Variants in WDFY4 observed in about 807,000 individuals in gnomAD.
WDFY4 encodes the protein WD repeat- and FYVE domain-containing protein 4.
Under a neutral mutation model 351.9 loss-of-function variants are expected in WDFY4, and 169 were observed. The observed-to-expected ratio is 0.48, with a 90% CI of 0.42 to 0.55. WDFY4 has a LOEUF of 0.55. WDFY4 is among the 20% of genes least tolerant of loss of function. The pLI is 0.00. For missense variants in WDFY4, 3,803 were observed against 3,935.6 expected, an observed-to-expected ratio of 0.97 and a Z score of 0.90; for synonymous variants, 1,622 against 1,574.6, an observed-to-expected ratio of 1.03 and a Z score of -0.71.
At position 48,941,809 on chromosome 10, in the gene WDFY4, A is replaced by T. The variant is rs1391456274; in HGVS notation, c.7590A>T (p.Arg2530Ser). 1.9e-6 allele frequency: 3 copies of T among 1,552,070 alleles called. No individual in the cohort carries two copies. The highest frequency in any genetic ancestry group is 1.2e-5 in the South Asian group (1 of 84,050). The change falls in exon 48 of 62, where the codon AGA (arginine) becomes AGT (serine). Residue 2530 changes from arginine (R) to serine (S), a missense_variant. Physicochemically the swap from Arg to Ser is moderately radical, Grantham distance 110. This residue lies in a region of WDFY4 where 3,054 missense variants were observed against 3,148.6 expected (regional missense o/e 0.97). Transcript: ENST00000325239. ...ACCTTGGTTTTCTGTCCCACAGGAG[A>T]TACCCCGGCTCTGACAGGATCATGC... ...ATSEDTLSLR[R>S]YPGSDRIMLQ... is the part of the protein sequence containing the mutation.
chr10:48,702,892 G>A (rs1244521874), intron 1 of WDFY4, among the ~76,000 whole-genome samples: 2 of 152,154 alleles, frequency 1.3e-5, no homozygotes, highest in South Asian at 4.1e-4. Context: ...CCATCATCAA[G>A]TTTTGATTGC....
intron 49 of WDFY4, 25 bp from the exon 50 acceptor site, chr10:48,946,015 C>T: frequency 6.7e-7 from 1 of 1,500,278 alleles, no homozygotes; most frequent in Non-Finnish European, 8.9e-7. Flanking sequence ...GGGGAGTTAA[C>T]TCCAGCTGCA....
chr10:48,796,521 C>G (rs2066880572), intron 24 of WDFY4, 71 bp downstream of exon 24: 1 of 1,493,518 alleles, frequency 6.7e-7, no homozygotes, highest in East Asian at 2.5e-5. Context: ...CTGGGCTTTC[C>G]CCTAAACCTA....
intron 43 of WDFY4, among the ~76,000 whole-genome samples, chr10:48,880,919 T>G (rs2070221315): frequency 1.4e-5 from 2 of 144,712 alleles, no homozygotes; most frequent in African/African-American, 2.6e-5. Flanking sequence ...GAGGGGAGGG[T>G]GGAGGCTACA....
intron 12 of WDFY4, among the ~76,000 whole-genome samples, chr10:48,755,323 C>G (rs1011422064): frequency 3.3e-5 from 5 of 152,228 alleles, no homozygotes; most frequent in African/African-American, 1.2e-4. Flanking sequence ...TATAGCTTAT[C>G]TATTCATCTT....
At chr10:48,750,146 G>A (rs983317240) in intron 12 of WDFY4, among the ~76,000 whole-genome samples, 1 of 152,216 alleles carries the variant, frequency 6.6e-6, no homozygotes, top group African/African-American at 2.4e-5. Flanking sequence ...CTGTGGGTAT[G>A]AGTTATATCT....
intron 13 of WDFY4, among the ~76,000 whole-genome samples, chr10:48,770,090 C>T (rs900501537): frequency 6.6e-6 from 1 of 152,142 alleles, no homozygotes; most frequent in Non-Finnish European, 1.5e-5. Context: ...TTTACTGGAA[C>T]TAACGTTGAA....
intron 12 of WDFY4, among the ~76,000 whole-genome samples, chr10:48,757,712 G>A (rs1468564887): frequency 6.6e-6 from 1 of 150,660 alleles, no homozygotes; most frequent in Non-Finnish European, 1.5e-5. Flanking sequence ...ATATATTTTA[G>A]TATTCAATTT....
intron 19 of WDFY4, among the ~76,000 whole-genome samples, chr10:48,782,217 T>A (rs2066250142): frequency 6.6e-6 from 1 of 152,240 alleles, no homozygotes; most frequent in Non-Finnish European, 1.5e-5. Context: ...GGTTGCAATA[T>A]CTTTGTTTTT....
At chr10:48,843,052 A>C (rs1430911521) in intron 39 of WDFY4, among the ~76,000 whole-genome samples, 1 of 152,222 alleles carries the variant, frequency 6.6e-6, no homozygotes, top group Admixed American at 6.5e-5. Flanking sequence ...AATCAATGGA[A>C]TGTTCTCATC....
chr10:48,791,219 T>TG (rs1374538302), intron 23 of WDFY4, among the ~76,000 whole-genome samples: 1 of 152,244 alleles, frequency 6.6e-6, no homozygotes, highest in Non-Finnish European at 1.5e-5. Flanking sequence ...GCATGGTGGC[T>TG]GAGAGCCCAG....
chr10:48,953,437 A>G (rs1841438164), intron 51 of WDFY4, among the ~76,000 whole-genome samples: 1 of 152,022 alleles, frequency 6.6e-6, no homozygotes, highest in African/African-American at 2.4e-5. Context: ...TAAGAAACTC[A>G]CTTGAGTTCA....
At chr10:48,822,153 T>A (rs1437420282) in intron 34 of WDFY4, among the ~76,000 whole-genome samples, 1 of 152,244 alleles carries the variant, frequency 6.6e-6, no homozygotes, top group Non-Finnish European at 1.5e-5. Context: ...TCACCTTGCT[T>A]GCTTTCTCAC....
At chr10:48,950,158 T>A (rs530774024) in intron 51 of WDFY4, among the ~76,000 whole-genome samples, 1 of 152,312 alleles carries the variant, frequency 6.6e-6, no homozygotes, top group East Asian at 1.9e-4. Context: ...AACTTTTTCA[T>A]CTTCCCAAAC....
intron 32 of WDFY4, among the ~76,000 whole-genome samples, chr10:48,818,463 T>C (rs2067698365): frequency 6.6e-6 from 1 of 152,130 alleles, no homozygotes; most frequent in Non-Finnish European, 1.5e-5. Context: ...GAAGGTGGTG[T>C]CTGAGAGGGG....
chr10:48,952,507 G>A (rs1268612426), intron 51 of WDFY4, among the ~76,000 whole-genome samples: 1 of 152,214 alleles, frequency 6.6e-6, no homozygotes, highest in African/African-American at 2.4e-5. Flanking sequence ...ACAGTCCCGG[G>A]ATAATCTCCT....
At chr10:48,953,333 T>TCTCTCACA (rs771339557) in intron 51 of WDFY4, among the ~76,000 whole-genome samples, 128 of 128,226 alleles carry the variant, frequency 1.0e-3, no homozygotes, top group East Asian at 3.4e-3. Context: ...TCTCTCTCTC[T>TCTCTCACA]CACACACACA....
intron 51 of WDFY4, among the ~76,000 whole-genome samples, chr10:48,951,127 G>A (rs566863933): frequency 1.3e-5 from 2 of 152,216 alleles, no homozygotes; most frequent in South Asian, 4.1e-4. Flanking sequence ...AGGTTTAAGT[G>A]TTCTTAGGTT....
intron 39 of WDFY4, among the ~76,000 whole-genome samples, chr10:48,853,220 G>A (rs2069016148): frequency 6.6e-6 from 1 of 152,078 alleles, no homozygotes; most frequent in Non-Finnish European, 1.5e-5. Context: ...AGGAGTCTCT[G>A]TCGCCTGGTT....
Sources: allele counts gnomAD v4.1 joint callset (sites outside exome capture counted in the v4.1 genomes callset), GRCh38; gene constraint gnomAD v4.1.1; regional missense constraint gnomAD v4.1.1; transcripts MANE v1.5; gene names NCBI Gene and HGNC (gene_info 2026-07-23, HGNC 2026-07-21).